HTT: variants seen among roughly 807,000 people sequenced by gnomAD.
HTT encodes huntingtin, also known as huntington disease protein.
In HTT, 104 loss-of-function variants were observed where a neutral mutation model predicts 362.3. The ratio of observed to expected loss-of-function variants is 0.29; its 90% confidence interval spans 0.24 to 0.34. The LOEUF (loss-of-function observed/expected upper bound fraction) is 0.34, where lower values mean the gene tolerates loss of function less well. Among genes scored for constraint, HTT ranks in the 10% least tolerant of loss-of-function variants. The pLI is 1.00. For missense variants in HTT, 3,301 were observed against 3,928.6 expected (o/e 0.84, Z 4.27); for synonymous variants, 1,577 against 1,548.7 (o/e 1.02, Z -0.43).
chr4:3,157,715 C>T (rs961945693), intron 28 of HTT, among the ~76,000 whole-genome samples: 1 of 152,118 alleles, frequency 6.6e-6, no homozygotes, highest in African/African-American at 2.4e-5. Context: ...CCAGATACCC[C>T]CAAGAGCCAG....
At chr4:3,091,859 A>AT (rs770086007) in intron 2 of HTT, among the ~76,000 whole-genome samples, 55 of 152,282 alleles carry the variant, frequency 3.6e-4, no homozygotes, top group East Asian at 3.3e-3. Context: ...GGAAAATATA[A>AT]AGCTTTAGAT....
In HTT at chr4:3,206,914, T is replaced by C; in HGVS notation, c.6006T>C (p.Arg2002=). 1 of 1,614,140 alleles carries C rather than the reference T, an allele frequency of 6.2e-7. No individual in the cohort carries two copies. The highest frequency in any genetic ancestry group is 1.1e-5 in the South Asian group (1 of 91,088). ...YVDRLLCTPF[R]VLARMVDILA... is the part of the protein sequence containing the mutation. ...ACAGGCTTCTGTGCACCCCTTTCCG[T>C]GTGCTGGCTCGCATGGTCGACATCC... Residue 2002 remains arginine, a synonymous_variant, in exon 44 of 67, where the codon CGT becomes CGC. Transcript: ENST00000355072. The surrounding 1 kb of genome is among the most constrained non-coding windows in gnomAD (Gnocchi z 4.6).
rs766514149 is a variant in HTT at position 3,166,230 on chromosome 4, A to T, written c.3864+5838A>T. On this transcript the variant is annotated intron_variant, in intron 29 of 66. Transcript: ENST00000355072. ...CACTCCAGGCCCTGTTTGCCTGGGC[A>T]TCACCAGCAGAGGCTGCAGAACAGC... Among the ~76,000 whole-genome samples, 3 of 152,340 alleles carry T rather than the reference A, an allele frequency of 2.0e-5. No homozygotes were observed. The South Asian group carries it at 6.2e-4, about 32-fold the overall frequency.
chr4:3,130,598 G>T (rs975794904), intron 14 of HTT, among the ~76,000 whole-genome samples, 175 bp downstream of exon 14: 1 of 152,128 alleles, frequency 6.6e-6, no homozygotes, highest in African/African-American at 2.4e-5. Flanking sequence ...ACTACCCACA[G>T]CCTTGAGAAT....
intron 40 of HTT, among the ~76,000 whole-genome samples, chr4:3,189,385 C>G (rs115694565): frequency 6.6e-6 from 1 of 152,106 alleles, no homozygotes; most frequent in Non-Finnish European, 1.5e-5. Flanking sequence ...AAGTGTCCCT[C>G]GATGGATGAA....
intron 40 of HTT, among the ~76,000 whole-genome samples, chr4:3,191,179 C>T (rs201162051): frequency 1.7e-5 from 2 of 120,336 alleles, no homozygotes; most frequent in African/African-American, 5.3e-5. Flanking sequence ...TTCTTTCTTT[C>T]TTTTTTTTTT....
intron 66 of HTT, 32 bp from the exon 67 acceptor site, chr4:3,239,814 T>G: frequency 2.0e-6 from 3 of 1,512,578 alleles, no homozygotes; most frequent in African/African-American, 1.4e-5. Context: ...TTCCCCTCAT[T>G]TGCCGGCCTT....
chr4:3,103,696 A>C (rs1333337348), intron 3 of HTT, 128 bp from the exon 4 acceptor site: 6 of 650,138 alleles, frequency 9.2e-6, no homozygotes, highest in Non-Finnish European at 1.7e-5. Flanking sequence ...TTCTTAATGA[A>C]TATATTCTTA....
intron 61 of HTT, among the ~76,000 whole-genome samples, chr4:3,234,294 C>CCAGAG (rs1313970999): frequency 6.6e-6 from 1 of 152,214 alleles, no homozygotes; most frequent in Non-Finnish European, 1.5e-5. Context: ...CTCATCCAGG[C>CCAGAG]CAGAGTGTCA....
At chr4:3,190,401 A>T (rs1718962335) in intron 40 of HTT, among the ~76,000 whole-genome samples, 1 of 151,554 alleles carries the variant, frequency 6.6e-6, no homozygotes, top group South Asian at 2.1e-4. Flanking sequence ...TCCTGTGTTA[A>T]ATTTGGAGGC....
intron 42 of HTT, among the ~76,000 whole-genome samples, chr4:3,204,782 C>A (rs1384645428): frequency 6.6e-6 from 1 of 152,056 alleles, no homozygotes; most frequent in Non-Finnish European, 1.5e-5. Context: ...AGCCTGGCAA[C>A]ACAGAGAAAC....
rs766497085 is a variant in HTT at position 3,121,296 on chromosome 4, G to T, written c.1137G>T (p.Leu379=). The change falls in exon 9 of 67, where the codon CTG becomes CTT. Residue 379 remains leucine (L), a synonymous_variant. Coordinates refer to ENST00000355072, the MANE Select transcript of HTT (RefSeq NM_001388492.1). Reference sequence around the variant, plus strand: ...ATGTTGTGACCGGAGCCCTGGAGCTGTTGCAGCAGCTCTTCAGAACGCCTC... The same window carrying T: ...ATGTTGTGACCGGAGCCCTGGAGCTTTTGCAGCAGCTCTTCAGAACGCCTC... ...DHNVVTGALE[L]LQQLFRTPPP... 13 of 1,614,074 alleles carry T rather than the reference G, an allele frequency of 8.1e-6. No homozygotes were observed. The highest frequency in any genetic ancestry group is 1.1e-5 in the Non-Finnish European group (13 of 1,180,026).
At chr4:3,089,361 C>T (rs1342938744) in intron 2 of HTT, among the ~76,000 whole-genome samples, 2 of 152,114 alleles carry the variant, frequency 1.3e-5, no homozygotes, top group Admixed American at 6.5e-5. Flanking sequence ...TCACGCTATT[C>T]TCCTGCCCCA....
At chr4:3,118,926 A>G (rs1715161908) in intron 8 of HTT, among the ~76,000 whole-genome samples, 1 of 152,226 alleles carries the variant, frequency 6.6e-6, no homozygotes, top group Admixed American at 6.5e-5. Context: ...AATTCAGCAA[A>G]TGTAGTTTGG....
chr4:3,118,493 A>G (rs1290219636), intron 8 of HTT, among the ~76,000 whole-genome samples: 1 of 152,170 alleles, frequency 6.6e-6, no homozygotes, highest in African/African-American at 2.4e-5. Context: ...AGCTTTATAG[A>G]CAGAAAATGT....
intron 60 of HTT, 23 bp downstream of exon 60, chr4:3,230,065 G>C: frequency 6.2e-7 from 1 of 1,608,434 alleles, no homozygotes; most frequent in Non-Finnish European, 8.5e-7. Flanking sequence ...TGGCACAGAG[G>C]TTTCTGTGCT....
At chr4:3,142,722 A>G (rs1225525741) in intron 22 of HTT, 44 bp from the exon 23 acceptor site, 2 of 1,003,744 alleles carry the variant, frequency 2.0e-6, no homozygotes, top group South Asian at 1.8e-5. Flanking sequence ...TTAAAAATAT[A>G]TGTTTTAATA....
In HTT at chr4:3,074,876, CCAGCAGCAGCAG is replaced by C. The variant is rs71180116; in HGVS notation, c.99_110del (p.Gln35_Gln38del). Reference sequence around the variant, plus strand: ...AGGCCTTCGAGTCCCTCAAGTCCTTCCAGCAGCAGCAGCAGCAGCAGCAGCAGCAGCAGCAGC... The same window carrying C: ...AGGCCTTCGAGTCCCTCAAGTCCTTCCAGCAGCAGCAGCAGCAGCAGCAGC... On this transcript the variant is annotated inframe_deletion, in exon 1 of 67. Transcript: ENST00000355072. The C allele has an allele frequency of 0.043, 57,858 of 1,356,160 alleles. 2,218 individuals are homozygous for C. Among genetic ancestry groups the C allele is most frequent in the Admixed American group, 0.079 (3,459 of 43,544 alleles). 84.0% of individuals were successfully genotyped at this position (1,356,160 alleles called of 1,614,324 possible).
intron 46 of HTT, among the ~76,000 whole-genome samples, 184 bp downstream of exon 46, chr4:3,209,095 T>C (rs1323516091): frequency 1.3e-5 from 2 of 152,212 alleles, no homozygotes; most frequent in South Asian, 4.1e-4. Flanking sequence ...CAAGCAGTGC[T>C]GATGTGGGAC....
Sources: gnomAD v4.1 joint callset for allele counts (sites outside exome capture counted in the v4.1 genomes callset) on GRCh38, gnomAD v4.1.1 for gene constraint, Gnocchi (gnomAD v3.1) non-coding constraint, MANE v1.5 for transcripts, NCBI Gene and HGNC (gene_info 2026-07-23, HGNC 2026-07-21) for gene names.